Variants in ALDH1A2 observed in about 807,000 individuals in gnomAD.
ALDH1A2 encodes the protein aldehyde dehydrogenase 1 family member A2.
Under a neutral mutation model 60.3 loss-of-function variants are expected in ALDH1A2, and 27 were observed. The ratio of observed to expected loss-of-function variants is 0.45; its 90% CI spans 0.33 to 0.62. ALDH1A2 has a LOEUF of 0.62. ALDH1A2 is among the 20% of genes least tolerant of loss of function. The pLI is 0.02. For missense variants in ALDH1A2, 581 were observed against 643.8 expected (o/e 0.90, Z 1.06); for synonymous variants, 289 against 232.4 (o/e 1.24, Z -2.21).
intron 1 of ALDH1A2, among the ~76,000 whole-genome samples, chr15:58,025,925 T>C (rs953137795): frequency 2.0e-5 from 3 of 152,038 alleles, no homozygotes; most frequent in East Asian, 1.9e-4. Flanking sequence ...CCTCAGAGAG[T>C]GCACCAAGCC....
chr15:57,970,537 A>C (rs796725076), intron 7 of ALDH1A2, among the ~76,000 whole-genome samples: 34 of 152,308 alleles, frequency 2.2e-4, no homozygotes, highest in African/African-American at 8.2e-4. Flanking sequence ...CTTTGCAAGA[A>C]AAATAATTTG....
At chr15:57,999,564 A>T (rs1422755745) in intron 4 of ALDH1A2, among the ~76,000 whole-genome samples, 4 of 152,194 alleles carry the variant, frequency 2.6e-5, no homozygotes, top group African/African-American at 7.2e-5. Flanking sequence ...GTGTGGAAAA[A>T]TAGGAACACT....
At chr15:58,010,040 C>T (rs1469354062) in intron 4 of ALDH1A2, among the ~76,000 whole-genome samples, 1 of 151,964 alleles carries the variant, frequency 6.6e-6, no homozygotes, top group Non-Finnish European at 1.5e-5. Flanking sequence ...CCTATAGGGG[C>T]CTTTAAGTTT....
intron 1 of ALDH1A2, among the ~76,000 whole-genome samples, chr15:58,032,098 AC>A: frequency 6.6e-6 from 1 of 152,290 alleles, no homozygotes; most frequent in Non-Finnish European, 1.5e-5. Context: ...AAGACTTGGA[AC>A]CAACCCAAAT....
In ALDH1A2 at chr15:58,010,790, G is replaced by C. The variant is rs766674428; in HGVS notation, c.364-12C>G. The C allele has an allele frequency of 6.2e-7, 1 of 1,612,606 alleles. No homozygotes were observed. Among genetic ancestry groups the C allele is most frequent in the Non-Finnish European group, 8.5e-7 (1 of 1,179,030 alleles). Reference sequence around the variant, plus strand: ...AGGGATTCCATGGTCTGTTGGAAGAGAAATGGAGAGATACTAAGTCCCCAG... The same window carrying C: ...AGGGATTCCATGGTCTGTTGGAAGACAAATGGAGAGATACTAAGTCCCCAG... On this transcript the variant is annotated splice_polypyrimidine_tract_variant and intron_variant, in intron 3 of 12. Coordinates refer to ENST00000249750, the MANE Select transcript of ALDH1A2 (RefSeq NM_003888.4).
At position 58,055,625 on chromosome 15, in the gene ALDH1A2, G is replaced by A. The variant is rs951610652; in HGVS notation, c.117+9909C>T. Among the ~76,000 whole-genome samples the A allele has an allele frequency of 2.0e-5, 3 of 152,140 alleles. No homozygotes were observed. In the South Asian group the frequency reaches 6.2e-4, roughly 32 times the overall value. ...GGTGTTATATGTAAGTATATACACAGAAGGGGTAGTTTTAGTTTTAAGGTT... is the reference window on the plus strand; with the variant it reads ...GGTGTTATATGTAAGTATATACACAAAAGGGGTAGTTTTAGTTTTAAGGTT... On this transcript the variant is annotated intron_variant, in intron 1 of 12. Transcript: ENST00000249750.
intron 7 of ALDH1A2, among the ~76,000 whole-genome samples, chr15:57,987,491 A>G (rs551960643): frequency 6.6e-6 from 1 of 152,342 alleles, no homozygotes; most frequent in Non-Finnish European, 1.5e-5. Flanking sequence ...AAAGTCAGAA[A>G]CATGCCAGAA....
intron 4 of ALDH1A2, among the ~76,000 whole-genome samples, chr15:58,002,712 T>C (rs989105605): frequency 6.6e-6 from 1 of 151,940 alleles, no homozygotes; most frequent in African/African-American, 2.4e-5. Flanking sequence ...AACGATTTTA[T>C]TCAATAGCAT....
intron 7 of ALDH1A2, among the ~76,000 whole-genome samples, chr15:57,984,122 C>T (rs1433264784): frequency 6.6e-6 from 1 of 152,114 alleles, no homozygotes; most frequent in Admixed American, 6.5e-5. Context: ...GGCAGTGTAC[C>T]ACTGTAATAT....
chr15:57,962,115 G>A lies in ALDH1A2; in HGVS notation c.1148C>T (p.Ala383Val). ...ELIQSGVAEG[A>V]KLECGGKGLG... ...TCCTTTGCCTCCACATTCCAGCTTGGCGCCCTCAGCCACACCACTCTGGAT... is the reference window on the plus strand; with the variant it reads ...TCCTTTGCCTCCACATTCCAGCTTGACGCCCTCAGCCACACCACTCTGGAT... The change falls in exon 10 of 13, where the codon GCC becomes GTC. Residue 383 changes from alanine to valine, a missense_variant. Ala to Val is a moderately conservative substitution (Grantham distance 64). This residue lies in a region of ALDH1A2 where 375 missense variants were observed against 469.7 expected (regional missense o/e 0.80). Transcript: ENST00000249750. 1 of 1,614,110 alleles carries A rather than the reference G, an allele frequency of 6.2e-7. No individual in the cohort carries two copies. Among genetic ancestry groups the A allele is most frequent in the Non-Finnish European group, 8.5e-7 (1 of 1,180,010 alleles).
chr15:58,001,565 T>C (rs1473698775), intron 4 of ALDH1A2, among the ~76,000 whole-genome samples: 2 of 151,912 alleles, frequency 1.3e-5, no homozygotes, highest in Non-Finnish European at 2.9e-5. Context: ...ATTCTCCCTC[T>C]CATCTATACC....
chr15:58,044,222 G>A (rs1034119341), intron 1 of ALDH1A2, among the ~76,000 whole-genome samples: 1 of 151,888 alleles, frequency 6.6e-6, no homozygotes, highest in Admixed American at 6.6e-5. Flanking sequence ...CATGTGCCAT[G>A]GTGGTTTGCT....
At chr15:57,987,395 T>C (rs1348433578) in intron 7 of ALDH1A2, among the ~76,000 whole-genome samples, 5 of 151,768 alleles carry the variant, frequency 3.3e-5, no homozygotes, top group Non-Finnish European at 2.9e-5. Flanking sequence ...AAAAAGAAAC[T>C]CTCTCAAAAG....
intron 1 of ALDH1A2, among the ~76,000 whole-genome samples, chr15:58,018,087 T>C (rs985416974): frequency 1.3e-5 from 2 of 152,090 alleles, no homozygotes; most frequent in Admixed American, 6.6e-5. Context: ...CAGGGCTCCT[T>C]GGAGAAATGG....
At chr15:58,000,384 G>A (rs141559399) in intron 4 of ALDH1A2, among the ~76,000 whole-genome samples, 258 of 151,876 alleles carry the variant, frequency 1.7e-3, no homozygotes, top group African/African-American at 5.8e-3. Context: ...ACCCTACTAT[G>A]AATTCCACTG....
At chr15:58,001,548 A>G (rs992824648) in intron 4 of ALDH1A2, among the ~76,000 whole-genome samples, 1 of 151,918 alleles carries the variant, frequency 6.6e-6, no homozygotes, top group African/African-American at 2.4e-5. Context: ...AAATGGAGAC[A>G]GTGTTAATTC....
At position 57,976,955 on chromosome 15, in the gene ALDH1A2, C is replaced by T. The variant is rs538261662; in HGVS notation, c.799-11128G>A. Among the ~76,000 whole-genome samples, 14 of 152,300 alleles carry T rather than the reference C, an allele frequency of 9.2e-5. No individual in the cohort carries two copies. In the South Asian group the frequency reaches 2.1e-3, roughly 23 times the overall value. ...TCCTGACTTTTTAATGATCGCCATTCTAACTGGTGTGAGATGGTATCTCAC... is the reference window on the plus strand; with the variant it reads ...TCCTGACTTTTTAATGATCGCCATTTTAACTGGTGTGAGATGGTATCTCAC... On this transcript the variant is annotated intron_variant, in intron 7 of 12. Coordinates refer to ENST00000249750, the MANE Select transcript of ALDH1A2 (RefSeq NM_003888.4).
At position 58,056,157 on chromosome 15, in the gene ALDH1A2, T is replaced by G. The variant is rs1198009004; in HGVS notation, c.117+9377A>C. On this transcript the variant is annotated intron_variant, in intron 1 of 12. Coordinates refer to ENST00000249750, the MANE Select transcript of ALDH1A2 (RefSeq NM_003888.4). The stretch of plus-strand genomic sequence containing the variant: ...TGACATGAATAAGTTATAATAATCA[T>G]GTTACCCTAGAGTTTTATACAGTGG... Among the ~76,000 whole-genome samples the G allele has an allele frequency of 2.0e-5, 3 of 152,128 alleles. No homozygotes were observed. The East Asian group carries it at 5.8e-4, about 29-fold the overall frequency.
intron 1 of ALDH1A2, 105 bp downstream of exon 1, chr15:58,065,429 C>G: frequency 2.0e-6 from 2 of 1,009,772 alleles, no homozygotes; most frequent in Admixed American, 3.4e-5. Context: ...CTGGCCCCGA[C>G]GACCCCGGCC....
Sources: gnomAD v4.1 joint callset for allele counts (sites outside exome capture counted in the v4.1 genomes callset) on GRCh38, gnomAD v4.1.1 for gene constraint, gnomAD v4.1.1 regional missense constraint, MANE v1.5 for transcripts, NCBI Gene and HGNC (gene_info 2026-07-23, HGNC 2026-07-21) for gene names.